TBX19: variants seen among roughly 807,000 people sequenced by gnomAD.
TBX19 encodes the protein T-box transcription factor TBX19.
In TBX19, 33 loss-of-function variants were observed where a neutral mutation model predicts 40.9. The ratio of observed to expected loss-of-function variants is 0.81; its 90% CI spans 0.61 to 1.08. The LOEUF is 1.08. TBX19 is among the 50% of genes least tolerant of loss of function. The pLI is 0.00. For missense variants in TBX19, 494 were observed against 574.0 expected (o/e 0.86, Z 1.42); for synonymous variants, 220 against 225.0 (o/e 0.98, Z 0.20).
Position 168,293,227 on chromosome 1 carries a change from C to T in TBX19, c.552C>T (p.Cys184=), listed in dbSNP as rs1190106497. 2 of 1,613,754 alleles carry T rather than the reference C, an allele frequency of 1.2e-6. No homozygotes were observed. The highest frequency in any genetic ancestry group is 8.5e-7 in the Non-Finnish European group (1 of 1,179,914). Residue 184 remains cysteine, a synonymous_variant, in exon 3 of 8, where the codon TGC becomes TGT. Transcript: ENST00000367821. The part of the protein sequence containing the change: ...VGSAHRMVTN[C]SFPETQFIAV... ...GTGCCCATCGAATGGTAACAAACTG[C>T]TCCTTCCCTGAAACCCAGTTCATAG...
intron 2 of TBX19, among the ~76,000 whole-genome samples, chr1:168,291,762 C>T (rs985200947): frequency 6.6e-6 from 1 of 152,076 alleles, no homozygotes; most frequent in African/African-American, 2.4e-5. Context: ...TAGTCCCTCT[C>T]CCCTTTTTTA....
chr1:168,298,072 T>G (rs1649161104), intron 4 of TBX19, among the ~76,000 whole-genome samples: 1 of 152,076 alleles, frequency 6.6e-6, no homozygotes, highest in South Asian at 2.1e-4. Context: ...GGCGGGCGCC[T>G]GTAGTCCCAG....
In TBX19 at chr1:168,313,983, C is replaced by T. The variant is rs1649585084; in HGVS notation, c.*981C>T. On this transcript the variant is annotated 3_prime_UTR_variant, in exon 8 of 8. Transcript: ENST00000367821. ...AGCGATCACACCATCTGGCCTGAAACCACTTCCCCAGCTTAGGTCCCTCTG... is the reference window on the plus strand; with the variant it reads ...AGCGATCACACCATCTGGCCTGAAATCACTTCCCCAGCTTAGGTCCCTCTG... The T allele has an allele frequency of 1.3e-5, 2 of 152,246 alleles. No homozygotes were observed. The highest frequency in any genetic ancestry group is 4.1e-4 in the South Asian group (2 of 4,824). 9.4% of individuals were successfully genotyped at this position (152,246 alleles called of 1,614,324 possible). A position where few individuals can be genotyped will look rare whatever the true frequency, so the allele number is the denominator to read the frequency against.
chr1:168,292,728 G>C (rs917100823), intron 2 of TBX19, among the ~76,000 whole-genome samples: 4 of 152,080 alleles, frequency 2.6e-5, no homozygotes, highest in African/African-American at 9.7e-5. Context: ...GCCGGGCGTG[G>C]TGGCGGGCGC....
At chr1:168,309,465 T>A (rs1649476329) in intron 7 of TBX19, among the ~76,000 whole-genome samples, 2 of 152,126 alleles carry the variant, frequency 1.3e-5, no homozygotes, top group South Asian at 4.1e-4. Context: ...TAAACTATGG[T>A]GGTAGCAAAT....
At chr1:168,303,029 T>TTTTA (rs965804855) in intron 5 of TBX19, among the ~76,000 whole-genome samples, 43 of 152,256 alleles carry the variant, frequency 2.8e-4, no homozygotes, top group South Asian at 1.2e-3. Flanking sequence ...TAGTATTTCT[T>TTTTA]TTTATTTATT....
chr1:168,288,189 G>A (rs1049004710), intron 1 of TBX19, among the ~76,000 whole-genome samples: 43 of 152,058 alleles, frequency 2.8e-4, no homozygotes, highest in African/African-American at 1.0e-3. Flanking sequence ...TATAACCTAT[G>A]CACATCCTCC....
chr1:168,305,619 T>A (rs1249941207), intron 6 of TBX19, among the ~76,000 whole-genome samples: 1 of 152,188 alleles, frequency 6.6e-6, no homozygotes, highest in Admixed American at 6.5e-5. Flanking sequence ...ATTAGGGAAT[T>A]ATTAGGAAGG....
intron 1 of TBX19, among the ~76,000 whole-genome samples, chr1:168,285,982 G>T (rs1648797348): frequency 6.6e-6 from 1 of 152,128 alleles, no homozygotes; most frequent in Non-Finnish European, 1.5e-5. Flanking sequence ...AAGACCTTAG[G>T]CAAGTTGACT....
At chr1:168,312,627 C>T in intron 7 of TBX19, 81 bp from the exon 8 acceptor site, 1 of 1,511,912 alleles carries the variant, frequency 6.6e-7, no homozygotes, top group Non-Finnish European at 9.1e-7. Flanking sequence ...CTTCTCAGCA[C>T]TGTGTACATG....
At chr1:168,286,073 C>A (rs1007504836) in intron 1 of TBX19, among the ~76,000 whole-genome samples, 5 of 152,246 alleles carry the variant, frequency 3.3e-5, no homozygotes, top group Admixed American at 1.3e-4. Flanking sequence ...AAAAAATAGT[C>A]ATTTCTCAGT....
intron 6 of TBX19, among the ~76,000 whole-genome samples, chr1:168,307,608 T>C (rs1414638377): frequency 1.3e-5 from 2 of 152,066 alleles, no homozygotes; most frequent in Non-Finnish European, 2.9e-5. Flanking sequence ...GACGTTGGAA[T>C]CTTCCTTCTC....
In TBX19 at chr1:168,293,290, T is replaced by C. The variant is rs1648996324; in HGVS notation, c.603+12T>C. 7.3e-7 allele frequency: 1 copy of C among 1,370,634 alleles called. No homozygotes were observed. 84.9% of individuals were successfully genotyped at this position (1,370,634 alleles called of 1,614,324 possible). A position where few individuals can be genotyped will look rare whatever the true frequency, so the allele number is the denominator to read the frequency against. Reference sequence around the variant, plus strand: ...ATCAGAATGAGGAGGTAAGAGTGTGTGTGTGTGTGTGTGTGTGTGTGTGTG... The same window carrying C: ...ATCAGAATGAGGAGGTAAGAGTGTGCGTGTGTGTGTGTGTGTGTGTGTGTG... On this transcript the variant is annotated intron_variant, in intron 3 of 7. Transcript: ENST00000367821.
intron 7 of TBX19, among the ~76,000 whole-genome samples, chr1:168,309,164 G>A (rs1649470356): frequency 1.3e-5 from 2 of 152,190 alleles, no homozygotes; most frequent in Non-Finnish European, 2.9e-5. Flanking sequence ...CCTGAGGTCA[G>A]CAGTTCCAGA....
At chr1:168,301,143 AG>A (rs1649265004) in intron 5 of TBX19, among the ~76,000 whole-genome samples, 1 of 152,238 alleles carries the variant, frequency 6.6e-6, no homozygotes, top group African/African-American at 2.4e-5. Flanking sequence ...TGGCTTGCAA[AG>A]ATCCCTTATG....
chr1:168,293,516 G>C (rs934319844), intron 3 of TBX19, among the ~76,000 whole-genome samples: 3 of 152,164 alleles, frequency 2.0e-5, no homozygotes, highest in Non-Finnish European at 4.4e-5. Context: ...AGACACAGCT[G>C]TGCATTGTCA....
At chr1:168,292,863 CAAAAA>C (rs751123603) in intron 2 of TBX19, among the ~76,000 whole-genome samples, 2 of 32,878 alleles carry the variant, frequency 6.1e-5, no homozygotes, top group Non-Finnish European at 1.3e-4. Flanking sequence ...GACTCCGTCT[CAAAAA>C]AAAAAAAAAA....
chr1:168,312,567 G>C (rs577982799), intron 7 of TBX19, 141 bp from the exon 8 acceptor site: 1 of 937,032 alleles, frequency 1.1e-6, no homozygotes. Flanking sequence ...ACCAATCTGC[G>C]TCATAGCTAG....
In TBX19 at chr1:168,297,631, A is replaced by G. The variant is rs540505768; in HGVS notation, c.604-93A>G. The G allele has an allele frequency of 1.0e-3, 1,171 of 1,127,320 alleles. 1 individual carries two copies. The highest frequency in any genetic ancestry group is 1.5e-3 in the Non-Finnish European group (1,115 of 745,522). The allele number at this position is 1,127,320 out of a possible 1,614,324, so 69.8% of individuals were successfully genotyped here. A position where few individuals can be genotyped will look rare whatever the true frequency, so the allele number is the denominator to read the frequency against. ...CTGGTGGGAAAGGGAAGGAAAAGAG[A>G]GGGAATTAAACTGGTTTTACAGAAG... On this transcript the variant is annotated intron_variant, in intron 3 of 7. Transcript: ENST00000367821.
Sources: gnomAD v4.1 joint callset for allele counts (sites outside exome capture counted in the v4.1 genomes callset) on GRCh38, gnomAD v4.1.1 for gene constraint, MANE v1.5 for transcripts, NCBI Gene and HGNC (gene_info 2026-07-23, HGNC 2026-07-21) for gene names.